The following NBAS variants were observed in gnomAD, a reference collection of about 807,000 sequenced individuals.
NBAS encodes the protein NBAS subunit of NRZ tethering complex.
A neutral mutation model predicts 302.5 loss-of-function variants in NBAS; 219 were observed. The ratio of observed to expected loss-of-function variants is 0.72; its 90% CI spans 0.65 to 0.81. NBAS has a LOEUF of 0.81. Ranked by LOEUF, NBAS falls within the 30% of genes least tolerant of loss-of-function variation. The pLI, the probability that NBAS is intolerant of heterozygous loss-of-function variation, is 0.00. For synonymous variants in NBAS, 1,118 were observed against 1,021.6 expected, an observed-to-expected ratio of 1.09 and a Z score of -1.80; for missense variants, 2,932 against 2,841.6, an observed-to-expected ratio of 1.03 and a Z score of -0.72.
At chr2:15,283,055 G>A (rs1213415984) in intron 42 of NBAS, among the ~76,000 whole-genome samples, 3 of 152,112 alleles carry the variant, frequency 2.0e-5, no homozygotes, top group Non-Finnish European at 4.4e-5. Context: ...GGGTGACGGG[G>A]GAGGGTTCCC....
At chr2:15,437,076 T>G (rs1678055285) in intron 21 of NBAS, among the ~76,000 whole-genome samples, 1 of 152,032 alleles carries the variant, frequency 6.6e-6, no homozygotes, top group African/African-American at 2.4e-5. Flanking sequence ...AATTCTAAAT[T>G]CCCAAAATGG....
intron 21 of NBAS, among the ~76,000 whole-genome samples, chr2:15,444,692 G>GT (rs1678627741): frequency 6.6e-6 from 1 of 151,362 alleles, no homozygotes; most frequent in African/African-American, 2.4e-5. Context: ...CACAGCAAAA[G>GT]AAACTACCAT....
chr2:15,211,556 C>A (rs1190619195), intron 48 of NBAS, among the ~76,000 whole-genome samples: 1 of 152,214 alleles, frequency 6.6e-6, no homozygotes, highest in African/African-American at 2.4e-5. Flanking sequence ...CATTCACATA[C>A]TTTTATTTTT....
the NBAS span, among the ~76,000 whole-genome samples, chr2:15,049,532 G>T: frequency 6.6e-6 from 1 of 152,206 alleles, no homozygotes; most frequent in Non-Finnish European, 1.5e-5. Flanking sequence ...AGCAGTGGAG[G>T]CTCCTGAGGG....
chr2:15,215,397 G>A (rs917992537), intron 48 of NBAS, among the ~76,000 whole-genome samples: 2 of 152,120 alleles, frequency 1.3e-5, no homozygotes, highest in Admixed American at 1.3e-4. Flanking sequence ...CCACTACTTT[G>A]GGCACCTCGA....
chr2:15,548,468 C>T (rs1283301304), intron 6 of NBAS, among the ~76,000 whole-genome samples: 1 of 151,918 alleles, frequency 6.6e-6, no homozygotes, highest in Non-Finnish European at 1.5e-5. Context: ...ATAGTGAAAC[C>T]GCATCTCTAT....
intron 1 of NBAS, 69 bp from the exon 2 acceptor site, chr2:15,558,703 A>T: frequency 1.7e-6 from 2 of 1,167,444 alleles, no homozygotes; most frequent in Non-Finnish European, 2.5e-6. Context: ...TTACTTATAC[A>T]ATATGTAAAC....
chr2:14,974,944 A>G, the NBAS span, among the ~76,000 whole-genome samples: 1 of 152,208 alleles, frequency 6.6e-6, no homozygotes, highest in Admixed American at 6.5e-5. Flanking sequence ...AGAGATTCAA[A>G]GCACAAGAAG....
In NBAS at chr2:15,480,377, G is replaced by GAA. The variant is rs112925094; in HGVS notation, c.1084-2090_1084-2089dup. On this transcript the variant is annotated intron_variant, in intron 12 of 51. Coordinates refer to ENST00000281513, the MANE Select transcript of NBAS (RefSeq NM_015909.4). Reference sequence around the variant, plus strand: ...AAATAAATAAATGCTGAGACAAAAGGAAAAAAAAAAAACCGATATTGCAGT... The same window carrying GAA: ...AAATAAATAAATGCTGAGACAAAAGGAAAAAAAAAAAAAACCGATATTGCAGT... 5.8e-3 allele frequency among the ~76,000 whole-genome samples: 785 copies of GAA among 135,322 alleles called. 7 individuals carry two copies. The highest frequency in any genetic ancestry group is 0.019 in the African/African-American group (702 of 37,336). 88.8% of individuals were successfully genotyped at this position (135,322 alleles called of 152,430 possible).
At chr2:15,530,078 T>C (rs1663149706) in intron 9 of NBAS, among the ~76,000 whole-genome samples, 1 of 152,186 alleles carries the variant, frequency 6.6e-6, no homozygotes. Context: ...TTTTAAATTT[T>C]TTCAGTTAGC....
At chr2:14,785,723 A>G in the NBAS span, among the ~76,000 whole-genome samples, 1 of 152,190 alleles carries the variant, frequency 6.6e-6, no homozygotes, top group Non-Finnish European at 1.5e-5. Flanking sequence ...TCAGTTTGCC[A>G]GTATTTTATT....
chr2:15,358,180 C>A (rs1230980962), intron 32 of NBAS, among the ~76,000 whole-genome samples: 1 of 152,122 alleles, frequency 6.6e-6, no homozygotes. Flanking sequence ...CCCTACCACT[C>A]ACCTGCGCTG....
At position 15,253,242 on chromosome 2, in the gene NBAS, G is replaced by A. The variant is rs527930029; in HGVS notation, c.5725-14556C>T. ...GGGGAGTGGGTGCAGAGCAGCAGCT[G>A]TAGTATATTTGGGAAAGGAGGGGGA... On this transcript the variant is annotated intron_variant, in intron 44 of 51. Transcript: ENST00000281513. Among the ~76,000 whole-genome samples the A allele has an allele frequency of 6.7e-4, 102 of 152,242 alleles. No homozygotes were observed. In the Middle Eastern group the frequency reaches 0.01, roughly 15 times the overall value.
At chr2:15,279,620 A>G (rs1669738718) in intron 42 of NBAS, among the ~76,000 whole-genome samples, 1 of 152,190 alleles carries the variant, frequency 6.6e-6, no homozygotes, top group South Asian at 2.1e-4. Flanking sequence ...AATCAACATT[A>G]CTTTCCCTCT....
the NBAS span, among the ~76,000 whole-genome samples, chr2:15,093,763 A>T: frequency 6.6e-6 from 1 of 152,372 alleles, no homozygotes; most frequent in Non-Finnish European, 1.5e-5. Flanking sequence ...TGAAACAATA[A>T]TTAAAGACAT....
chr2:15,368,427 T>C (rs1332646925), intron 31 of NBAS, among the ~76,000 whole-genome samples: 1 of 152,124 alleles, frequency 6.6e-6, no homozygotes, highest in Non-Finnish European at 1.5e-5. Flanking sequence ...CTAGAACTCC[T>C]GACCTTGTGA....
At chr2:14,954,407 C>T in the NBAS span, among the ~76,000 whole-genome samples, 3,895 of 152,222 alleles carry the variant, frequency 0.026, 74 homozygotes, top group Non-Finnish European at 0.042. Context: ...GGCACAGTGG[C>T]GACCAGCAGG....
At chr2:15,520,196 G>A (rs916499068) in intron 9 of NBAS, among the ~76,000 whole-genome samples, 1 of 152,160 alleles carries the variant, frequency 6.6e-6, no homozygotes, top group Non-Finnish European at 1.5e-5. Context: ...GAAGCCAAGA[G>A]TTAGAGACCA....
chr2:14,901,012 C>T, the NBAS span, among the ~76,000 whole-genome samples: 5 of 152,242 alleles, frequency 3.3e-5, no homozygotes, highest in African/African-American at 4.8e-5. Flanking sequence ...CTTGCACTGA[C>T]AGCCTTGGGG....
Sources: allele counts gnomAD v4.1 joint callset (sites outside exome capture counted in the v4.1 genomes callset), GRCh38; gene constraint gnomAD v4.1.1; transcripts MANE v1.5; gene names NCBI Gene and HGNC (gene_info 2026-07-23, HGNC 2026-07-21).